The following FAM117A variants were observed in gnomAD, a reference collection of about 807,000 sequenced individuals.
FAM117A encodes family with sequence similarity 117 member A.
Under a neutral mutation model 44.1 loss-of-function variants are expected in FAM117A, and 21 were observed. That is an observed-to-expected ratio of 0.48 (90% CI 0.34 to 0.69). The LOEUF (loss-of-function observed/expected upper bound fraction) is 0.69, where lower values mean the gene tolerates loss of function less well. FAM117A is among the 30% of genes least tolerant of loss of function. The pLI, the probability that FAM117A is intolerant of heterozygous loss-of-function variation, is 0.01. For synonymous variants in FAM117A, 220 were observed against 238.3 expected (o/e 0.92, Z 0.71); for missense variants, 498 against 589.9 (o/e 0.84, Z 1.61).
chr17:49,774,230 C>T (rs561388738), intron 1 of FAM117A, among the ~76,000 whole-genome samples: 10 of 152,334 alleles, frequency 6.6e-5, no homozygotes, highest in Non-Finnish European at 1.2e-4. Flanking sequence ...ACTGCAGCCT[C>T]GACTTCCCAG....
chr17:49,748,052 T>C (rs982583549), intron 1 of FAM117A, among the ~76,000 whole-genome samples: 19 of 152,112 alleles, frequency 1.2e-4, no homozygotes, highest in African/African-American at 4.3e-4. Context: ...TGAGGTCGCC[T>C]CTCCTGTGCT....
intron 1 of FAM117A, among the ~76,000 whole-genome samples, chr17:49,760,002 T>G (rs897091456): frequency 6.6e-6 from 1 of 152,206 alleles, no homozygotes; most frequent in African/African-American, 2.4e-5. Context: ...ACCGCAGTTT[T>G]GGGTTGTCAG....
At chr17:49,719,332 G>T (rs376462885) in intron 5 of FAM117A, among the ~76,000 whole-genome samples, 1 of 152,166 alleles carries the variant, frequency 6.6e-6, no homozygotes, top group East Asian at 1.9e-4. Flanking sequence ...GAGTCGGGGA[G>T]AAGGCTGCAT....
intron 3 of FAM117A, 81 bp downstream of exon 3, chr17:49,722,418 C>A: frequency 8.6e-7 from 1 of 1,158,964 alleles, no homozygotes; most frequent in Non-Finnish European, 1.3e-6. Context: ...GTGACGCCAC[C>A]ATGGAGCAGA....
chr17:49,751,943 C>CA (rs71146933), intron 1 of FAM117A, among the ~76,000 whole-genome samples: 10,517 of 56,758 alleles, frequency 0.19, 1,071 homozygotes, highest in Non-Finnish European at 0.21. Context: ...GACTCCATCT[C>CA]AAAAAAAAAA....
upstream of FAM117A, chr17:49,788,954 C>A (rs1429005095): frequency 9.2e-7 from 1 of 1,090,106 alleles, no homozygotes. Flanking sequence ...ACTTTCCGCT[C>A]CCCCGAACCT....
intron 2 of FAM117A, among the ~76,000 whole-genome samples, chr17:49,726,982 A>G (rs2073562869): frequency 6.6e-6 from 1 of 151,920 alleles, no homozygotes; most frequent in South Asian, 2.1e-4. Context: ...CTGTCTCAAA[A>G]AAAAAAGGAA....
At chr17:49,742,727 A>G (rs1188878733) in intron 1 of FAM117A, among the ~76,000 whole-genome samples, 1 of 152,226 alleles carries the variant, frequency 6.6e-6, no homozygotes, top group African/African-American at 2.4e-5. Flanking sequence ...TTTAAACTCA[A>G]AGGACAGGCA....
At chr17:49,782,716 T>C (rs1453182789) in intron 1 of FAM117A, among the ~76,000 whole-genome samples, 2 of 150,932 alleles carry the variant, frequency 1.3e-5, no homozygotes, top group Non-Finnish European at 2.9e-5. Context: ...AAAAAACCCT[T>C]TGTGGCGGCA....
At chr17:49,715,252 CTG>C (rs1262673303) in intron 7 of FAM117A, among the ~76,000 whole-genome samples, 1 of 152,174 alleles carries the variant, frequency 6.6e-6, no homozygotes, top group Non-Finnish European at 1.5e-5. Flanking sequence ...ATGGTTTTCT[CTG>C]TAACTCCTAC....
At chr17:49,714,799 A>G (rs1377874940) in intron 7 of FAM117A, among the ~76,000 whole-genome samples, 1 of 151,676 alleles carries the variant, frequency 6.6e-6, no homozygotes, top group African/African-American at 2.4e-5. Flanking sequence ...GGTGCCTGCC[A>G]CCACACCTGT....
Position 49,719,568 on chromosome 17 carries a change from C to G in FAM117A, c.708+192G>C, listed in dbSNP as rs150039477. 5.8e-3 allele frequency: 3,737 copies of G among 641,402 alleles called. 29 individuals are homozygous for G. The highest frequency in any genetic ancestry group is 5.8e-3 in the Non-Finnish European group (2,344 of 404,666). The allele number at this position is 641,402 out of a possible 1,614,324, so 39.7% of individuals were successfully genotyped here. A position where few individuals can be genotyped will look rare whatever the true frequency, so the allele number is the denominator to read the frequency against. On this transcript the variant is annotated intron_variant, in intron 5 of 7. Coordinates refer to ENST00000240364, the MANE Select transcript of FAM117A (RefSeq NM_030802.4). The stretch of plus-strand genomic sequence containing the variant: ...TGTACTCACCACCACAAAGCCTGCC[C>G]TAGTGACATGGGTTAAGGCCATTTG...
At chr17:49,749,178 T>G (rs886149793) in intron 1 of FAM117A, among the ~76,000 whole-genome samples, 1 of 152,130 alleles carries the variant, frequency 6.6e-6, no homozygotes, top group Non-Finnish European at 1.5e-5. Context: ...TGGCATCACT[T>G]TGTAAACCAA....
intron 1 of FAM117A, among the ~76,000 whole-genome samples, chr17:49,742,729 G>GTTTAT (rs1259678729): frequency 6.6e-6 from 1 of 152,114 alleles, no homozygotes; most frequent in African/African-American, 2.4e-5. Flanking sequence ...TAAACTCAAA[G>GTTTAT]GACAGGCATA....
chr17:49,711,088 C>T lies in FAM117A; in HGVS notation c.*167G>A, dbSNP rs1464290169. 1.1e-5 allele frequency: 7 copies of T among 634,146 alleles called. No individual in the cohort carries two copies. Among genetic ancestry groups the T allele is most frequent in the Non-Finnish European group, 1.8e-5 (7 of 381,576 alleles). 39.3% of individuals were successfully genotyped at this position (634,146 alleles called of 1,614,324 possible). A position where few individuals can be genotyped will look rare whatever the true frequency, so the allele number is the denominator to read the frequency against. ...GCAGGTCCCATCACGTTCAGAGGGG[C>T]CGGTGCCCATCAAAAAGAGGACCCA... is the stretch of plus-strand genomic sequence containing the variant. On this transcript the variant is annotated 3_prime_UTR_variant, in exon 8 of 8. Coordinates refer to ENST00000240364, the MANE Select transcript of FAM117A (RefSeq NM_030802.4).
intron 2 of FAM117A, among the ~76,000 whole-genome samples, chr17:49,728,386 C>T (rs921149780): frequency 6.6e-6 from 1 of 151,110 alleles, no homozygotes; most frequent in Non-Finnish European, 1.5e-5. Context: ...CCTCATACTC[C>T]GTGTGGTTTG....
At chr17:49,766,329 A>G (rs1264661492), upstream of FAM117A, among the ~76,000 whole-genome samples, 3 of 152,238 alleles carry the variant, frequency 2.0e-5, no homozygotes, top group Non-Finnish European at 4.4e-5. Flanking sequence ...ACATCTGTCT[A>G]GTGTTTTATA....
At chr17:49,755,519 T>A (rs1220461199) in intron 1 of FAM117A, among the ~76,000 whole-genome samples, 1 of 152,110 alleles carries the variant, frequency 6.6e-6, no homozygotes, top group African/African-American at 2.4e-5. Context: ...CATAACAAAA[T>A]CCTACACATT....
chr17:49,711,353 G>T lies in FAM117A; in HGVS notation c.1264C>A (p.Pro422Thr). The T allele has an allele frequency of 6.2e-7, 1 of 1,610,000 alleles. No homozygotes were observed. The highest frequency in any genetic ancestry group is 8.5e-7 in the Non-Finnish European group (1 of 1,177,878). ...AGTGGGGAGGCCTTGGAGGCTTCCGGATCCTTCCGAGGTGGTGGCCTGGGG... is the reference window on the plus strand; with the variant it reads ...AGTGGGGAGGCCTTGGAGGCTTCCGTATCCTTCCGAGGTGGTGGCCTGGGG... ...ASPRPPPRKD[P>T]EASKASPLPF... The change falls in exon 8 of 8, where the codon CCG becomes ACG. Residue 422 changes from proline (P) to threonine (T), a missense_variant. By Grantham distance (38) the Pro-to-Thr change is conservative (BLOSUM62 -1). Around this residue, in one of 3 missense-constraint regions of FAM117A, gnomAD observed 224 missense variants for 296.5 expected, o/e 0.76. Coordinates refer to ENST00000240364, the MANE Select transcript of FAM117A (RefSeq NM_030802.4).
Sources: gnomAD v4.1 joint callset for allele counts (sites outside exome capture counted in the v4.1 genomes callset) on GRCh38, gnomAD v4.1.1 for gene constraint, gnomAD v4.1.1 regional missense constraint, MANE v1.5 for transcripts, NCBI Gene and HGNC (gene_info 2026-07-23, HGNC 2026-07-21) for gene names.